Variants in SLC36A4 observed in about 807,000 individuals in gnomAD.
SLC36A4 encodes solute carrier family 36 member 4.
A neutral mutation model predicts 50.5 loss-of-function variants in SLC36A4; 49 were observed. The observed-to-expected ratio is 0.97, with a 90% CI of 0.77 to 1.23. SLC36A4 has a LOEUF of 1.23. SLC36A4 is among the 50% of genes most tolerant of loss of function. The pLI is 0.00. For synonymous variants in SLC36A4, 207 were observed against 206.5 expected (o/e 1.00, Z -0.02); for missense variants, 611 against 608.4 (o/e 1.00, Z -0.05).
chr11:93,153,881 T>G, intron 10 of SLC36A4: 1 of 239,808 alleles, frequency 4.2e-6, no homozygotes, highest in Non-Finnish European at 7.9e-6. Flanking sequence ...AATAACTTCA[T>G]TAGTTATTTT....
intron 5 of SLC36A4, 41 bp from the exon 6 acceptor site, chr11:93,180,922 C>G (rs1565233915): frequency 1.6e-6 from 2 of 1,262,506 alleles, no homozygotes; most frequent in Non-Finnish European, 2.3e-6. Context: ...AGGAGAGCTA[C>G]TGAAATGTCA....
At chr11:93,184,199 C>G (rs575209967) in intron 3 of SLC36A4, among the ~76,000 whole-genome samples, 24 of 151,674 alleles carry the variant, frequency 1.6e-4, no homozygotes, top group Non-Finnish European at 1.9e-4. Context: ...AGGTTTGTGG[C>G]TTTTTTTTGG....
At position 93,182,908 on chromosome 11, in the gene SLC36A4, A is replaced by G. The variant is rs1861799388; in HGVS notation, c.271-14T>C. ...GATTGGTCCAAGCTGTGGGGAAAAA[A>G]AATTTATAAGGTTTAAATATTTAAC... On this transcript the variant is annotated splice_polypyrimidine_tract_variant and intron_variant, in intron 3 of 10. Coordinates refer to ENST00000326402, the MANE Select transcript of SLC36A4 (RefSeq NM_152313.4). The G allele has an allele frequency of 6.3e-7, 1 of 1,582,742 alleles. No individual in the cohort carries two copies. Among genetic ancestry groups the G allele is most frequent in the South Asian group, 1.1e-5 (1 of 87,776 alleles).
rs745813780 is a variant in SLC36A4, at chr11:93,148,610, T to C, written c.1442A>G (p.Lys481Arg). ...TVEEIIYPTP[K>R]VVAGTPQSPF... Reference sequence around the variant, plus strand: ...ACTCTGTGGAGTGCCAGCTACAACTTTGGGAGTAGGATAAATAATTTCTTC... The same window carrying C: ...ACTCTGTGGAGTGCCAGCTACAACTCTGGGAGTAGGATAAATAATTTCTTC... The change falls in exon 11 of 11, where the codon AAA becomes AGA. Residue 481 changes from lysine to arginine, a missense_variant. Transcript: ENST00000326402. 10 of 1,612,656 alleles carry C rather than the reference T, an allele frequency of 6.2e-6. No individual in the cohort carries two copies. The highest frequency in any genetic ancestry group is 2.7e-5 in the African/African-American group (2 of 74,846).
chr11:93,162,873 G>T lies in SLC36A4; in HGVS notation c.870C>A (p.Val290=). Residue 290 remains valine (V), a splice_region_variant and synonymous_variant, in exon 9 of 11, where the codon GTC becomes GTA. Transcript: ENST00000326402. ...CTTTCATTTGGTTTTCCAGTGGAAG[G>T]ACCTAAGAAAAGAATACAATACTTT... ...AVFAFEGIGV[V]LPLENQMKES... 6.2e-7 allele frequency: 1 copy of T among 1,611,502 alleles called. No individual in the cohort carries two copies. Among genetic ancestry groups the T allele is most frequent in the Non-Finnish European group, 8.5e-7 (1 of 1,179,108 alleles).
At chr11:93,172,083 A>G (rs1051963874) in intron 6 of SLC36A4, among the ~76,000 whole-genome samples, 2 of 152,094 alleles carry the variant, frequency 1.3e-5, no homozygotes, top group Non-Finnish European at 2.9e-5. Context: ...GTGTATAAGA[A>G]CTTAATTATT....
At chr11:93,192,703 C>T (rs975577021) in intron 1 of SLC36A4, among the ~76,000 whole-genome samples, 7 of 152,110 alleles carry the variant, frequency 4.6e-5, no homozygotes, top group African/African-American at 1.7e-4. Flanking sequence ...ATGTATTTTA[C>T]ACTTACAGCA....
intron 6 of SLC36A4, among the ~76,000 whole-genome samples, chr11:93,177,234 T>C (rs1861520369): frequency 6.6e-6 from 1 of 152,220 alleles, no homozygotes; most frequent in Admixed American, 6.5e-5. Flanking sequence ...TTCCACTTGA[T>C]TGAATCAGCT....
chr11:93,156,753 AC>A (rs1860383678), intron 9 of SLC36A4, among the ~76,000 whole-genome samples: 2 of 152,010 alleles, frequency 1.3e-5, no homozygotes, highest in East Asian at 3.9e-4. Flanking sequence ...TGGATATTAG[AC>A]CTTTGTTCAA....
intron 8 of SLC36A4, among the ~76,000 whole-genome samples, chr11:93,163,109 A>G (rs1017119393): frequency 2.0e-5 from 3 of 151,558 alleles, no homozygotes; most frequent in Non-Finnish European, 4.4e-5. Flanking sequence ...TTTTTTTTTT[A>G]AATAACCTTT....
chr11:93,178,548 T>G (rs1236139042), intron 6 of SLC36A4, among the ~76,000 whole-genome samples: 2 of 152,204 alleles, frequency 1.3e-5, no homozygotes, highest in Non-Finnish European at 2.9e-5. Context: ...AATTTTTTTT[T>G]GCAGCTTTTG....
At chr11:93,184,565 C>A in intron 2 of SLC36A4, 45 bp from the exon 3 acceptor site, 1 of 1,135,068 alleles carries the variant, frequency 8.8e-7, no homozygotes, top group Non-Finnish European at 1.3e-6. Flanking sequence ...AGAACAAAAT[C>A]TATTATAACA....
At position 93,144,265 on chromosome 11, in the gene SLC36A4, G is replaced by T. The variant is rs1376689910; in HGVS notation, c.*4272C>A. ...TCTGTTATAAAGAAAAATGTTAAAA[G>T]AATTGACTTGAATGTTATATTTAGG... On this transcript the variant is annotated 3_prime_UTR_variant, in exon 11 of 11. Coordinates refer to ENST00000326402, the MANE Select transcript of SLC36A4 (RefSeq NM_152313.4). 2 of 151,922 alleles carry T rather than the reference G, an allele frequency of 1.3e-5. No homozygotes were observed. Among genetic ancestry groups the T allele is most frequent in the Non-Finnish European group, 2.9e-5 (2 of 67,942 alleles). 9.4% of individuals were successfully genotyped at this position (151,922 alleles called of 1,614,324 possible). A position where few individuals can be genotyped will look rare whatever the true frequency, so the allele number is the denominator to read the frequency against.
intron 4 of SLC36A4, chr11:93,182,263 T>G: frequency 1.1e-6 from 1 of 884,472 alleles, no homozygotes; most frequent in Non-Finnish European, 1.4e-6. Flanking sequence ...AAGTATACAT[T>G]GTTCTATAAA....
At chr11:93,195,027 T>A (rs1477334996) in intron 1 of SLC36A4, among the ~76,000 whole-genome samples, 1 of 152,014 alleles carries the variant, frequency 6.6e-6, no homozygotes, top group Non-Finnish European at 1.5e-5. Flanking sequence ...TTGTGCAACA[T>A]GGAGCTTTCC....
chr11:93,158,835 C>T (rs1860484331), intron 9 of SLC36A4, among the ~76,000 whole-genome samples: 1 of 151,974 alleles, frequency 6.6e-6, no homozygotes, highest in African/African-American at 2.4e-5. Flanking sequence ...CCCAGTAAAC[C>T]CTCTTTCTAA....
chr11:93,150,775 T>C (rs888943762), intron 10 of SLC36A4, among the ~76,000 whole-genome samples: 5 of 152,056 alleles, frequency 3.3e-5, no homozygotes, highest in Admixed American at 2.6e-4. Flanking sequence ...TCAAAATTCA[T>C]TGAACATAAT....
intron 1 of SLC36A4, 25 bp downstream of exon 1, chr11:93,197,753 C>CT: frequency 6.3e-7 from 1 of 1,585,946 alleles, no homozygotes; most frequent in East Asian, 2.3e-5. Flanking sequence ...TCAGCCCCGG[C>CT]TCCCTGCCCA....
chr11:93,149,081 T>C (rs558574535), intron 10 of SLC36A4, among the ~76,000 whole-genome samples: 1 of 152,236 alleles, frequency 6.6e-6, no homozygotes, highest in South Asian at 2.1e-4. Context: ...CAGTTTCTTA[T>C]GTAAACAACT....
Sources: allele counts gnomAD v4.1 joint callset (sites outside exome capture counted in the v4.1 genomes callset), GRCh38; gene constraint gnomAD v4.1.1; transcripts MANE v1.5; gene names NCBI Gene and HGNC (gene_info 2026-07-23, HGNC 2026-07-21).